Variants in LINGO3 observed in about 807,000 individuals in gnomAD.
LINGO3 encodes the protein leucine-rich repeat and immunoglobulin-like domain-containing nogo receptor-interacting protein 3.
For synonymous variants in LINGO3, 427 were observed against 444.2 expected (o/e 0.96, Z 0.49); for missense variants, 750 against 867.7 (o/e 0.86, Z 1.70).
upstream of LINGO3, among the ~76,000 whole-genome samples, chr19:2,295,065 G>T (rs1044664546): frequency 6.6e-6 from 1 of 152,140 alleles, no homozygotes; most frequent in Non-Finnish European, 1.5e-5. Context: ...CAGTGCCTAC[G>T]CGAATTTAAT....
chr19:2,302,364 CT>C, the LINGO3 span, among the ~76,000 whole-genome samples: 1 of 152,194 alleles, frequency 6.6e-6, no homozygotes, highest in African/African-American at 2.4e-5. Flanking sequence ...GCCCGGCCCC[CT>C]GTCCTTAAGG....
At chr19:2,306,654 A>G in the LINGO3 span, among the ~76,000 whole-genome samples, 109,831 of 152,002 alleles carry the variant, frequency 0.72, 40,964 homozygotes, top group Non-Finnish European at 0.83. Context: ...ATTTAATCCC[A>G]TGTGGGGTGG....
the LINGO3 span, among the ~76,000 whole-genome samples, chr19:2,297,461 C>T: frequency 6.3e-4 from 95 of 151,998 alleles, 1 homozygote; most frequent in African/African-American, 1.9e-3. Context: ...CCCGCCACCA[C>T]GCCCGGCTAA....
upstream of LINGO3, among the ~76,000 whole-genome samples, chr19:2,296,815 A>G (rs1046758814): frequency 1.3e-4 from 19 of 147,926 alleles, no homozygotes; most frequent in East Asian, 1.6e-3. Context: ...TAGGCCGGGC[A>G]TGGTGGCTCA....
At chr19:2,295,433 G>A (rs537839358), upstream of LINGO3, among the ~76,000 whole-genome samples, 1 of 152,282 alleles carries the variant, frequency 6.6e-6, no homozygotes, top group East Asian at 1.9e-4. Context: ...CTCCAGAACT[G>A]TGAGAGCAGC....
exon 1 of LINGO3, chr19:2,289,849 T>G: frequency 1.6e-6 from 1 of 631,484 alleles, no homozygotes; most frequent in East Asian, 2.9e-5. Context: ...TGAAAAACAG[T>G]CCTGCGGTTG....
the LINGO3 span, among the ~76,000 whole-genome samples, chr19:2,303,251 C>T: frequency 6.6e-6 from 1 of 152,178 alleles, no homozygotes; most frequent in Non-Finnish European, 1.5e-5. Context: ...TGGCGTCTTT[C>T]CCCCAGCGTC....
upstream of LINGO3, among the ~76,000 whole-genome samples, chr19:2,294,786 A>C (rs1413717890): frequency 6.6e-6 from 1 of 151,916 alleles, no homozygotes; most frequent in Non-Finnish European, 1.5e-5. The surrounding 1 kb of genome is among the most constrained non-coding windows in gnomAD (Gnocchi z 4.3). Flanking sequence ...GGCTGCAGCC[A>C]AGATTCTGGG....
At chr19:2,301,969 A>G in the LINGO3 span, among the ~76,000 whole-genome samples, 5 of 149,260 alleles carry the variant, frequency 3.3e-5, no homozygotes, top group Admixed American at 3.3e-4. Context: ...AAGAAAATGT[A>G]CCAGTTGCCC....
At chr19:2,293,935 C>T (rs1000285383), upstream of LINGO3, among the ~76,000 whole-genome samples, 1 of 151,922 alleles carries the variant, frequency 6.6e-6, no homozygotes, top group South Asian at 2.1e-4. Flanking sequence ...CATCTATAGT[C>T]CTAACTAGGG....
At chr19:2,289,617 TG>T (rs2025498010), downstream of LINGO3, among the ~76,000 whole-genome samples, 2 of 151,922 alleles carry the variant, frequency 1.3e-5, no homozygotes, top group African/African-American at 2.4e-5. Context: ...GCCCAGGGCT[TG>T]GGGGCAGCAG....
At chr19:2,291,046 C>T in exon 1 of LINGO3, 2 of 1,610,350 alleles carry the variant, frequency 1.2e-6, no homozygotes, top group Non-Finnish European at 1.7e-6. Context: ...GTTCAGGCCC[C>T]GCAGGCTGCC....
the LINGO3 span, among the ~76,000 whole-genome samples, chr19:2,307,103 C>G: frequency 3.9e-5 from 6 of 152,188 alleles, no homozygotes; most frequent in East Asian, 7.7e-4. Flanking sequence ...AAGGCTCCCC[C>G]CAGCCAAGCC....
In LINGO3 at chr19:2,289,983, C is replaced by A. The variant is rs995423455; in HGVS notation, c.*15G>T. On this transcript the variant is annotated 3_prime_UTR_variant, in exon 1 of 1. Transcript: ENST00000585527. ...CCGCGGGGGAGGGGAGGGGAGGGTC[C>A]GCCCTGGGGACCCCTCAGATCATCT... 2.0e-6 allele frequency: 3 copies of A among 1,500,212 alleles called. No homozygotes were observed. In the East Asian group the frequency reaches 7.8e-5, roughly 39 times the overall value. 92.9% of individuals were successfully genotyped at this position (1,500,212 alleles called of 1,614,324 possible). A position where few individuals can be genotyped will look rare whatever the true frequency, so the allele number is the denominator to read the frequency against.
chr19:2,306,217 G>A, the LINGO3 span, among the ~76,000 whole-genome samples: 4 of 152,348 alleles, frequency 2.6e-5, no homozygotes, highest in Admixed American at 2.6e-4. Flanking sequence ...GTGGGCCCCA[G>A]CTCACTGCAC....
the LINGO3 span, among the ~76,000 whole-genome samples, chr19:2,308,136 A>G: frequency 8.0e-6 from 1 of 125,364 alleles, no homozygotes; most frequent in Admixed American, 7.8e-5. Context: ...CGGAGCCGAC[A>G]CGAGCAGCCG....
In LINGO3 at chr19:2,290,236, G is replaced by T; in HGVS notation, c.1541C>A (p.Thr514Lys). The T allele has an allele frequency of 6.2e-7, 1 of 1,604,992 alleles. No homozygotes were observed. The highest frequency in any genetic ancestry group is 1.3e-5 in the African/African-American group (1 of 74,658). Residue 514 changes from threonine (T) to lysine (K), a missense_variant, in exon 1 of 1, where the codon ACG becomes AAG. By Grantham distance (78) the Thr-to-Lys change is moderately conservative. Transcript: ENST00000585527. The surrounding 1 kb of genome is among the most constrained non-coding windows in gnomAD (Gnocchi z 6.0). ...GAGCGGCGCGCGCAGGGCCGCCAGC[G>T]TCTCGTTGTGGGCCTCGCCCGGGGT... is the stretch of plus-strand genomic sequence containing the variant.
chr19:2,296,517 C>T (rs181688012), upstream of LINGO3, among the ~76,000 whole-genome samples: 180 of 152,052 alleles, frequency 1.2e-3, 1 homozygote, highest in African/African-American at 4.2e-3. Flanking sequence ...CTCACTCTGT[C>T]GCCTGGGCTG....
chr19:2,296,396 C>T (rs1482869269), upstream of LINGO3, among the ~76,000 whole-genome samples: 1 of 152,196 alleles, frequency 6.6e-6, no homozygotes, highest in African/African-American at 2.4e-5. Flanking sequence ...GGGGGGATCA[C>T]TGGAGCCCAG....
Sources: gnomAD v4.1 joint callset for allele counts (sites outside exome capture counted in the v4.1 genomes callset) on GRCh38, gnomAD v4.1.1 for gene constraint, Gnocchi (gnomAD v3.1) non-coding constraint, MANE v1.5 for transcripts, NCBI Gene and HGNC (gene_info 2026-07-23, HGNC 2026-07-21) for gene names.